Variants in SMCO4 observed in about 807,000 individuals in gnomAD.
The protein encoded by SMCO4 is single-pass membrane and coiled-coil domain-containing protein 4.
SMCO4 carries 4 observed loss-of-function variants against 3.6 expected under a neutral mutation model. That is an observed-to-expected ratio of 1.11 (90% CI 0.54 to 2.53). The LOEUF is 2.53. Ranked by LOEUF, SMCO4 falls within the 30% of genes most tolerant of loss-of-function variation. The pLI is 0.02. For missense variants in SMCO4, 70 were observed against 80.8 expected (o/e 0.87, Z 0.51); for synonymous variants, 36 against 35.3 (o/e 1.02, Z -0.07).
intron 2 of SMCO4, among the ~76,000 whole-genome samples, chr11:93,484,236 A>G (rs1386518115): frequency 6.6e-6 from 1 of 152,240 alleles, no homozygotes; most frequent in Non-Finnish European, 1.5e-5. Flanking sequence ...CGCATTCTTC[A>G]GCACAGAATT....
intron 2 of SMCO4, among the ~76,000 whole-genome samples, chr11:93,487,873 T>A (rs149643338): frequency 5.4e-4 from 82 of 152,296 alleles, no homozygotes; most frequent in African/African-American, 1.9e-3. Context: ...CTTCAATTAC[T>A]ATGTTGTCAA....
rs569091032 is a variant in SMCO4 at position 93,500,773 on chromosome 11, C to T, written c.-153-1425G>A. ...ACCTGAGTTAGAGGGTCTATAAAGACTGAAGCAGTCAGCTGGAAATTAAGT... is the reference window on the plus strand; with the variant it reads ...ACCTGAGTTAGAGGGTCTATAAAGATTGAAGCAGTCAGCTGGAAATTAAGT... On this transcript the variant is annotated intron_variant, in intron 1 of 2. Transcript: ENST00000298966. 7.2e-5 allele frequency among the ~76,000 whole-genome samples: 11 copies of T among 152,328 alleles called. No homozygotes were observed. The South Asian group carries it at 2.3e-3, about 32-fold the overall frequency.
intron 1 of SMCO4, among the ~76,000 whole-genome samples, chr11:93,524,568 C>G (rs1949088167): frequency 6.6e-6 from 1 of 152,168 alleles, no homozygotes; most frequent in Non-Finnish European, 1.5e-5. Context: ...CCTGAAAACT[C>G]TGACACTCCA....
intron 1 of SMCO4, among the ~76,000 whole-genome samples, chr11:93,507,171 G>A (rs760793484): frequency 6.6e-5 from 10 of 152,272 alleles, no homozygotes; most frequent in Non-Finnish European, 7.4e-5. Context: ...TTGGGAGGCC[G>A]AGGCAGGCAG....
At chr11:93,484,371 T>A (rs1948624578) in intron 2 of SMCO4, among the ~76,000 whole-genome samples, 1 of 152,238 alleles carries the variant, frequency 6.6e-6, no homozygotes, top group African/African-American at 2.4e-5. Context: ...GATTATAATG[T>A]ACACAGAGTG....
intron 2 of SMCO4, among the ~76,000 whole-genome samples, chr11:93,486,756 G>A (rs1442318833): frequency 1.3e-5 from 2 of 152,108 alleles, no homozygotes; most frequent in South Asian, 2.1e-4. Flanking sequence ...CTAAGTCCCT[G>A]TACACTAACG....
At chr11:93,534,795 C>T (rs1448087459) in intron 1 of SMCO4, among the ~76,000 whole-genome samples, 2 of 152,184 alleles carry the variant, frequency 1.3e-5, no homozygotes, top group Non-Finnish European at 2.9e-5. Context: ...AGGGAGGGCC[C>T]CGAGATCAGC....
At chr11:93,490,229 T>C (rs1022359301) in intron 2 of SMCO4, among the ~76,000 whole-genome samples, 1 of 152,218 alleles carries the variant, frequency 6.6e-6, no homozygotes, top group Non-Finnish European at 1.5e-5. Context: ...TGCTCTTCTT[T>C]ACAGAGCAAT....
chr11:93,481,615 GA>G (rs930294185), intron 2 of SMCO4: 3 of 723,586 alleles, frequency 4.1e-6, no homozygotes, highest in Non-Finnish European at 5.1e-6. Context: ...GAGCAAAGGG[GA>G]AAAATGTCTT....
At chr11:93,521,003 C>T (rs963199993) in intron 1 of SMCO4, among the ~76,000 whole-genome samples, 3 of 152,228 alleles carry the variant, frequency 2.0e-5, no homozygotes, top group Non-Finnish European at 1.5e-5. Flanking sequence ...CTATACATTG[C>T]TATATTCAGT....
intron 1 of SMCO4, among the ~76,000 whole-genome samples, chr11:93,538,294 C>T (rs757774009): frequency 6.6e-6 from 1 of 152,202 alleles, no homozygotes; most frequent in Non-Finnish European, 1.5e-5. Flanking sequence ...TCCCAGTCAA[C>T]CCCTGCAAGT....
chr11:93,500,306 G>A (rs536398490), intron 1 of SMCO4, among the ~76,000 whole-genome samples: 2 of 152,320 alleles, frequency 1.3e-5, no homozygotes, highest in East Asian at 3.9e-4. Flanking sequence ...AGATGACTTT[G>A]TTCATGTTAG....
intron 1 of SMCO4, among the ~76,000 whole-genome samples, chr11:93,525,763 T>A (rs563165653): frequency 6.6e-6 from 1 of 152,298 alleles, no homozygotes; most frequent in Non-Finnish European, 1.5e-5. Context: ...ACCTACTTAG[T>A]CTTCGAGTAC....
chr11:93,489,255 C>A (rs1390993646), intron 2 of SMCO4, among the ~76,000 whole-genome samples: 8 of 152,096 alleles, frequency 5.3e-5, no homozygotes, highest in Non-Finnish European at 1.0e-4. Flanking sequence ...ATAATTGGAC[C>A]TAGAAAACTG....
chr11:93,514,006 T>A (rs1275150697), intron 1 of SMCO4, among the ~76,000 whole-genome samples: 3 of 152,208 alleles, frequency 2.0e-5, no homozygotes, highest in African/African-American at 4.8e-5. Flanking sequence ...AGGGACCACC[T>A]GGTTTCATCA....
chr11:93,481,596 G>A (rs927559833), intron 2 of SMCO4: 7 of 880,358 alleles, frequency 8.0e-6, no homozygotes, highest in African/African-American at 3.6e-5. Flanking sequence ...CGGAAGGGAG[G>A]AAACCAAGGA....
At chr11:93,516,715 A>C (rs1949010772) in intron 1 of SMCO4, among the ~76,000 whole-genome samples, 1 of 152,070 alleles carries the variant, frequency 6.6e-6, no homozygotes, top group Non-Finnish European at 1.5e-5. Flanking sequence ...GCCTGAACCC[A>C]GGAGGTGAAG....
chr11:93,481,042 G>GA (rs11480853), intron 2 of SMCO4, among the ~76,000 whole-genome samples: 99,087 of 149,010 alleles, frequency 0.66, 33,118 homozygotes, highest in East Asian at 0.89. Flanking sequence ...GGAACAGAGA[G>GA]AAAAAAAAAA....
chr11:93,479,793 C>T (rs1948570912), intron 2 of SMCO4, among the ~76,000 whole-genome samples: 2 of 152,262 alleles, frequency 1.3e-5, no homozygotes, highest in East Asian at 1.9e-4. Context: ...TTGTTGGTTC[C>T]TTGGCCCATT....
Sources: gnomAD v4.1 joint callset for allele counts (sites outside exome capture counted in the v4.1 genomes callset) on GRCh38, gnomAD v4.1.1 for gene constraint, MANE v1.5 for transcripts, NCBI Gene and HGNC (gene_info 2026-07-23, HGNC 2026-07-21) for gene names.